RANBP17: variants seen among roughly 807,000 people sequenced by gnomAD.
RANBP17 encodes ran-binding protein 17.
A neutral mutation model predicts 141.2 loss-of-function variants in RANBP17; 158 were observed. That is an observed-to-expected ratio of 1.12 (90% CI 0.98 to 1.28). RANBP17 has a LOEUF of 1.28. Ranked by LOEUF, RANBP17 falls within the 50% of genes most tolerant of loss-of-function variation. RANBP17 has a pLI of 0.00. For missense variants in RANBP17, 1,438 were observed against 1,290.7 expected, an observed-to-expected ratio of 1.11 and a Z score of -1.75; for synonymous variants, 430 against 450.0, an observed-to-expected ratio of 0.96 and a Z score of 0.56.
At chr5:170,992,320 A>G (rs1244591217) in intron 14 of RANBP17, among the ~76,000 whole-genome samples, 2 of 151,994 alleles carry the variant, frequency 1.3e-5, no homozygotes, top group Non-Finnish European at 2.9e-5. Context: ...TAAAATAATA[A>G]TATTCATTGC....
At chr5:171,038,058 G>A (rs1168603425) in intron 14 of RANBP17, among the ~76,000 whole-genome samples, 1 of 151,988 alleles carries the variant, frequency 6.6e-6, no homozygotes, top group Non-Finnish European at 1.5e-5. Context: ...CCATGAGCAT[G>A]CAATGTTTCT....
Position 171,299,025 on chromosome 5 carries a change from C to G in RANBP17, c.*167C>G, listed in dbSNP as rs1167032682. The G allele has an allele frequency of 4.2e-6, 2 of 480,820 alleles. No individual in the cohort carries two copies. Among genetic ancestry groups the G allele is most frequent in the African/African-American group, 1.9e-5 (1 of 51,346 alleles). 29.8% of individuals were successfully genotyped at this position (480,820 alleles called of 1,614,324 possible). ...ACGTCTAGCCTAATTATAAGAATTT[C>G]TAACAGTACCAGTGTAAATTCAGTC... On this transcript the variant is annotated 3_prime_UTR_variant, in exon 28 of 28. Coordinates refer to ENST00000523189, the MANE Select transcript of RANBP17 (RefSeq NM_022897.5).
At chr5:171,229,837 G>A (rs1338884674) in intron 22 of RANBP17, among the ~76,000 whole-genome samples, 5 of 150,576 alleles carry the variant, frequency 3.3e-5, no homozygotes, top group South Asian at 2.1e-4. Flanking sequence ...AGGCCAGGGC[G>A]AGTGGGTCAC....
At position 171,108,138 on chromosome 5, in the gene RANBP17, A is replaced by G. The variant is rs186262358; in HGVS notation, c.1711-61992A>G. 4.7e-3 allele frequency among the ~76,000 whole-genome samples: 720 copies of G among 152,328 alleles called. 5 individuals carry two copies. The highest frequency in any genetic ancestry group is 0.017 in the African/African-American group (699 of 41,568). On this transcript the variant is annotated intron_variant, in intron 14 of 27. Coordinates refer to ENST00000523189, the MANE Select transcript of RANBP17 (RefSeq NM_022897.5). Reference sequence around the variant, plus strand: ...TGTGTGCTTGACAAATAGAAATGTCATAACAAATAATTTTGTTTTTTGCTT... The same window carrying G: ...TGTGTGCTTGACAAATAGAAATGTCGTAACAAATAATTTTGTTTTTTGCTT...
Position 171,174,755 on chromosome 5 carries a change from T to A in RANBP17, c.1865+3469T>A, listed in dbSNP as rs539640383. ...GAGAAAACTAAAAATATCTAGAGTG[T>A]GTGTGTGTGTGTGTGTGTGTGTGTG... On this transcript the variant is annotated intron_variant, in intron 16 of 27. Coordinates refer to ENST00000523189, the MANE Select transcript of RANBP17 (RefSeq NM_022897.5). Among the ~76,000 whole-genome samples, 168 of 138,910 alleles carry A rather than the reference T, an allele frequency of 1.2e-3. 7 individuals are homozygous for A. The South Asian group carries it at 0.034, about 28-fold the overall frequency. The allele number at this position is 138,910 out of a possible 152,430, so 91.1% of individuals were successfully genotyped here.
chr5:171,035,737 G>GTTTTTTTTTTT (rs781327156), intron 14 of RANBP17, among the ~76,000 whole-genome samples: 10 of 95,446 alleles, frequency 1.0e-4, no homozygotes, highest in South Asian at 4.1e-4. Context: ...TTCTTTTTTT[G>GTTTTTTTTTTT]TTTTTTTTTT....
intron 12 of RANBP17, among the ~76,000 whole-genome samples, chr5:170,949,910 C>A (rs1400945795): frequency 6.6e-6 from 1 of 151,970 alleles, no homozygotes; most frequent in Non-Finnish European, 1.5e-5. Flanking sequence ...GACACATAGA[C>A]CAATGGAACA....
At chr5:171,089,615 C>T (rs1417530800) in intron 14 of RANBP17, among the ~76,000 whole-genome samples, 8 of 152,040 alleles carry the variant, frequency 5.3e-5, no homozygotes, top group East Asian at 1.9e-4. Flanking sequence ...AGTGAGATTC[C>T]GTGGGCGTAG....
chr5:170,882,721 G>T (rs1327521525), intron 3 of RANBP17, among the ~76,000 whole-genome samples: 2 of 152,266 alleles, frequency 1.3e-5, no homozygotes, highest in Middle Eastern at 3.4e-3. Context: ...ATAAAAGCAG[G>T]TTCTTATTAG....
intron 14 of RANBP17, chr5:171,029,107 C>T (rs1384802000): frequency 3.8e-6 from 1 of 260,642 alleles, no homozygotes; most frequent in Non-Finnish European, 7.6e-6. Context: ...TCCTAGTCCC[C>T]AGAGAGATAA....
At chr5:171,056,364 C>A (rs980019437) in intron 14 of RANBP17, among the ~76,000 whole-genome samples, 1 of 152,008 alleles carries the variant, frequency 6.6e-6, no homozygotes, top group African/African-American at 2.4e-5. Context: ...AGATAACAAT[C>A]GTTTGTGAAT....
At chr5:171,204,402 A>G (rs1277668165) in intron 19 of RANBP17, among the ~76,000 whole-genome samples, 1 of 152,216 alleles carries the variant, frequency 6.6e-6, no homozygotes, top group East Asian at 1.9e-4. Context: ...GAGGAGGGTC[A>G]GGATTCACTG....
At chr5:171,034,001 T>C (rs1781713383) in intron 14 of RANBP17, among the ~76,000 whole-genome samples, 1 of 152,092 alleles carries the variant, frequency 6.6e-6, no homozygotes, top group Non-Finnish European at 1.5e-5. Context: ...AGTCTCAGCT[T>C]CTCAGGAGAC....
intron 14 of RANBP17, among the ~76,000 whole-genome samples, chr5:171,164,980 C>A (rs760317086): frequency 2.6e-5 from 4 of 152,234 alleles, no homozygotes; most frequent in Non-Finnish European, 5.9e-5. Flanking sequence ...CTTCAAAGCA[C>A]CTTCTGATTT....
At chr5:170,868,511 G>T (rs1767454668) in intron 1 of RANBP17, among the ~76,000 whole-genome samples, 1 of 152,216 alleles carries the variant, frequency 6.6e-6, no homozygotes, top group Non-Finnish European at 1.5e-5. Flanking sequence ...AGCTCAAACA[G>T]TTCACCCACC....
intron 13 of RANBP17, among the ~76,000 whole-genome samples, chr5:170,955,580 GTGTATATATATATATA>G (rs1401935569): frequency 7.4e-5 from 3 of 40,588 alleles, no homozygotes; most frequent in African/African-American, 1.7e-4. Context: ...CTCAGTCTGT[GTGTATATATATATATA>G]TATATATATA....
chr5:171,061,726 TTCTC>T (rs1222620315), intron 14 of RANBP17, among the ~76,000 whole-genome samples: 1 of 152,134 alleles, frequency 6.6e-6, no homozygotes, highest in Admixed American at 6.5e-5. Context: ...CTTGTTAACT[TTCTC>T]TCTCATTGAT....
intron 14 of RANBP17, among the ~76,000 whole-genome samples, chr5:170,998,922 C>T (rs76745074): frequency 0.026 from 3,986 of 151,936 alleles, 157 homozygotes; most frequent in African/African-American, 0.09. Context: ...ATTTTGCTTA[C>T]GTGTTATTTT....
At chr5:171,264,663 A>G (rs1444291385) in intron 24 of RANBP17, among the ~76,000 whole-genome samples, 1 of 152,232 alleles carries the variant, frequency 6.6e-6, no homozygotes, top group Non-Finnish European at 1.5e-5. Flanking sequence ...TTTATTACCA[A>G]TGAACTTCTT....
Sources: allele counts gnomAD v4.1 joint callset (sites outside exome capture counted in the v4.1 genomes callset), GRCh38; gene constraint gnomAD v4.1.1; transcripts MANE v1.5; gene names NCBI Gene and HGNC (gene_info 2026-07-23, HGNC 2026-07-21).